USP8: variants seen among roughly 807,000 people sequenced by gnomAD.
USP8 encodes the protein ubiquitin carboxyl-terminal hydrolase 8.
Under a neutral mutation model 130.0 loss-of-function variants are expected in USP8, and 27 were observed. The observed-to-expected ratio is 0.21, with a 90% CI of 0.15 to 0.29. The LOEUF is 0.29. Ranked by LOEUF, USP8 falls within the 10% of genes least tolerant of loss-of-function variation. The pLI is 1.00. For missense variants in USP8, 1,029 were observed against 1,312.2 expected, an observed-to-expected ratio of 0.78 and a Z score of 3.33; for synonymous variants, 392 against 444.1, an observed-to-expected ratio of 0.88 and a Z score of 1.48.
chr15:50,468,239 T>G (rs1213343133), intron 7 of USP8, among the ~76,000 whole-genome samples: 1 of 147,718 alleles, frequency 6.8e-6, no homozygotes, highest in East Asian at 2.0e-4. Flanking sequence ...CCTGGCCTTT[T>G]TTTTTTTTTT....
At chr15:50,488,739 A>ATT (rs879657589) in intron 12 of USP8, among the ~76,000 whole-genome samples, 2 of 140,440 alleles carry the variant, frequency 1.4e-5, no homozygotes, top group Non-Finnish European at 1.6e-5. Context: ...TAATTTTTGG[A>ATT]TTTTTTTTTT....
At position 50,499,864 on chromosome 15, in the gene USP8, T is replaced by TA. The variant is rs1395000470; in HGVS notation, c.*777dup. 1 of 152,174 alleles carries TA rather than the reference T, an allele frequency of 6.6e-6. No individual in the cohort carries two copies. The highest frequency in any genetic ancestry group is 1.5e-5 in the Non-Finnish European group (1 of 68,018). The allele number at this position is 152,174 out of a possible 1,614,324, so 9.4% of individuals were successfully genotyped here. A position where few individuals can be genotyped will look rare whatever the true frequency, so the allele number is the denominator to read the frequency against. On this transcript the variant is annotated 3_prime_UTR_variant, in exon 20 of 20. Coordinates refer to ENST00000307179, the MANE Select transcript of USP8 (RefSeq NM_005154.5). Reference sequence around the variant, plus strand: ...ATAGATTTTATATACACACGTGCTATATAATAACACCCAGAGTCATTCTTT... The same window carrying TA: ...ATAGATTTTATATACACACGTGCTATAATAATAACACCCAGAGTCATTCTTT...
At chr15:50,475,194 AC>A (rs2051521224) in intron 8 of USP8, among the ~76,000 whole-genome samples, 1 of 152,218 alleles carries the variant, frequency 6.6e-6, no homozygotes, top group Admixed American at 6.5e-5. Context: ...TATGACAAAG[AC>A]CTGTTTTCCC....
Position 50,509,838 on chromosome 15 carries a change from A to G in USP8, c.*10750A>G, listed in dbSNP as rs1350067479. On this transcript the variant is annotated 3_prime_UTR_variant, in exon 20 of 20. Coordinates refer to ENST00000307179, the MANE Select transcript of USP8 (RefSeq NM_005154.5). ...GAGAATAAGTTACCAAAATGACTGA[A>G]GAGAAATACATGGCTCACACCTATA... The G allele has an allele frequency of 6.6e-6, 1 of 152,164 alleles. No individual in the cohort carries two copies. Among genetic ancestry groups the G allele is most frequent in the Admixed American group, 6.5e-5 (1 of 15,270 alleles). The allele number at this position is 152,164 out of a possible 1,614,324, so 9.4% of individuals were successfully genotyped here. A position where few individuals can be genotyped will look rare whatever the true frequency, so the allele number is the denominator to read the frequency against.
chr15:50,474,486 A>G (rs1437407502), intron 8 of USP8, among the ~76,000 whole-genome samples: 12 of 152,234 alleles, frequency 7.9e-5, no homozygotes, highest in African/African-American at 2.7e-4. Context: ...GGACAATTAT[A>G]TGAAACTGCC....
At chr15:50,494,336 C>A in intron 16 of USP8, 56 bp downstream of exon 16, 1 of 1,461,408 alleles carries the variant, frequency 6.8e-7, no homozygotes, top group Non-Finnish European at 9.2e-7. Flanking sequence ...CTCAGTAGCA[C>A]TGTATTTTTA....
chr15:50,469,417 G>A (rs918565387), intron 7 of USP8, among the ~76,000 whole-genome samples: 7 of 152,144 alleles, frequency 4.6e-5, no homozygotes, highest in African/African-American at 1.7e-4. Flanking sequence ...AGTGTTTTCT[G>A]TAGAATACTA....
chr15:50,428,602 A>C (rs900688044), intron 1 of USP8, among the ~76,000 whole-genome samples: 1 of 152,210 alleles, frequency 6.6e-6, no homozygotes, highest in African/African-American at 2.4e-5. Context: ...AACAACAATA[A>C]CTAATAATAA....
chr15:50,467,146 A>G (rs1036225408), intron 7 of USP8: 7 of 281,528 alleles, frequency 2.5e-5, no homozygotes, highest in South Asian at 1.4e-4. Flanking sequence ...AAATATATAT[A>G]TTAGAGTACT....
At position 50,450,462 on chromosome 15, in the gene USP8, CTTTTTTTTTT is replaced by C. The variant is rs35800074; in HGVS notation, c.335+992_335+1001del. On this transcript the variant is annotated intron_variant, in intron 4 of 19. Coordinates refer to ENST00000307179, the MANE Select transcript of USP8 (RefSeq NM_005154.5). ...TTTCAGTTTTTAGTCGTTAGTCATT[CTTTTTTTTTT>C]TTTTTTTTTTTTTTGGAGACGGAGT... is the stretch of plus-strand genomic sequence containing the variant. Among the ~76,000 whole-genome samples, 45 of 80,464 alleles carry C rather than the reference CTTTTTTTTTT, an allele frequency of 5.6e-4. 1 individual carries two copies. Among genetic ancestry groups the C allele is most frequent in the South Asian group, 1.5e-3 (3 of 2,034 alleles). 52.8% of individuals were successfully genotyped at this position (80,464 alleles called of 152,430 possible).
At chr15:50,498,491 T>TTTAC in intron 18 of USP8, 105 bp from the exon 19 acceptor site, 1 of 1,383,882 alleles carries the variant, frequency 7.2e-7, no homozygotes, top group Non-Finnish European at 9.6e-7. Flanking sequence ...GTCTTTGTAT[T>TTTAC]TGAAATGGAT....
intron 8 of USP8, among the ~76,000 whole-genome samples, chr15:50,476,592 T>C (rs1340422289): frequency 6.6e-6 from 1 of 152,212 alleles, no homozygotes. Flanking sequence ...GGTGAGGTTA[T>C]GGGTCATTTT....
chr15:50,466,782 T>C, intron 7 of USP8: 2 of 264,638 alleles, frequency 7.6e-6, no homozygotes, highest in East Asian at 1.0e-4. Flanking sequence ...GAGCCGGAGA[T>C]AGCAATTCAC....
At chr15:50,450,294 G>T (rs541870780) in intron 4 of USP8, among the ~76,000 whole-genome samples, 2 of 151,872 alleles carry the variant, frequency 1.3e-5, no homozygotes, top group African/African-American at 4.8e-5. Context: ...GATACTGTGC[G>T]TATAGGAATG....
At chr15:50,490,644 C>A in intron 14 of USP8, 119 bp downstream of exon 14, 1 of 1,282,882 alleles carries the variant, frequency 7.8e-7, no homozygotes, top group Non-Finnish European at 1.1e-6. Context: ...GCTATACCAG[C>A]CGTTATTATT....
At position 50,477,389 on chromosome 15, in the gene USP8, G is replaced by A. The variant is rs1292891887; in HGVS notation, c.1108G>A (p.Glu370Lys). The A allele has an allele frequency of 6.2e-7, 1 of 1,614,112 alleles. No homozygotes were observed. The highest frequency in any genetic ancestry group is 1.7e-5 in the Admixed American group (1 of 60,014). The stretch of plus-strand genomic sequence containing the variant: ...TATAGAATTGATAAGTGGTCAAAAT[G>A]AGAGAATGGGACCACTGAATATATC... The part of the protein sequence containing the change: ...ENIELISGQN[E>K]RMGPLNISTP... The change falls in exon 10 of 20, where the codon GAG (glutamate) becomes AAG (lysine). Residue 370 changes from glutamate (E) to lysine (K), a missense_variant. Glu to Lys is a moderately conservative substitution (Grantham distance 56, BLOSUM62 1). Transcript: ENST00000307179.
chr15:50,492,606 G>T, intron 14 of USP8, 95 bp from the exon 15 acceptor site: 1 of 1,220,528 alleles, frequency 8.2e-7, no homozygotes, highest in South Asian at 1.5e-5. Context: ...GATGCCTGTG[G>T]TACAGGTGCT....
rs762229908 is a variant in USP8, at chr15:50,443,281, C to T, written c.249+1788C>T. 3.3e-5 allele frequency among the ~76,000 whole-genome samples: 5 copies of T among 151,960 alleles called. No homozygotes were observed. In the East Asian group the frequency reaches 5.8e-4, roughly 18 times the overall value. ...GTATCGAACTCCTGACCTTGTGATC[C>T]GCCCCTCTCGTTCTCCCAAAGTGCT... On this transcript the variant is annotated intron_variant, in intron 3 of 19. Transcript: ENST00000307179.
At chr15:50,449,354 C>A in intron 3 of USP8, 46 bp from the exon 4 acceptor site, 1 of 1,276,210 alleles carries the variant, frequency 7.8e-7, no homozygotes, top group South Asian at 1.5e-5. Context: ...GTGTCACATG[C>A]AATGCCGAGA....
Sources: allele counts gnomAD v4.1 joint callset (sites outside exome capture counted in the v4.1 genomes callset), GRCh38; gene constraint gnomAD v4.1.1; transcripts MANE v1.5; gene names NCBI Gene and HGNC (gene_info 2026-07-23, HGNC 2026-07-21).